Variants in PCDH15 observed in about 807,000 individuals in gnomAD.
PCDH15 encodes the protein protocadherin-15.
A neutral mutation model predicts 178.5 loss-of-function variants in PCDH15; 129 were observed. The ratio of observed to expected loss-of-function variants is 0.72; its 90% CI spans 0.63 to 0.84. The LOEUF (loss-of-function observed/expected upper bound fraction) is 0.84, where lower values mean the gene tolerates loss of function less well. Ranked by LOEUF, PCDH15 falls within the 40% of genes least tolerant of loss-of-function variation. The probability of loss-of-function intolerance (pLI) is 0.00; values close to 1 mark genes in which losing one functional copy is unlikely to be tolerated. For synonymous variants in PCDH15, 800 were observed against 732.0 expected, an observed-to-expected ratio of 1.09 and a Z score of -1.50; for missense variants, 2,230 against 2,099.9, an observed-to-expected ratio of 1.06 and a Z score of -1.21.
chr10:54,950,428 A>AAG (rs1838311228), intron 2 of PCDH15, among the ~76,000 whole-genome samples: 1 of 151,822 alleles, frequency 6.6e-6, no homozygotes, highest in Admixed American at 6.6e-5. Flanking sequence ...TGAGTCTTAC[A>AAG]AGATCTGATG....
At chr10:55,123,652 G>T (rs967600456) in intron 2 of PCDH15, among the ~76,000 whole-genome samples, 1 of 152,070 alleles carries the variant, frequency 6.6e-6, no homozygotes, top group Non-Finnish European at 1.5e-5. Flanking sequence ...ACATGAAGGA[G>T]AGCCAGTCAA....
At chr10:54,613,843 A>G (rs1307321441) in intron 2 of PCDH15, among the ~76,000 whole-genome samples, 1 of 151,786 alleles carries the variant, frequency 6.6e-6, no homozygotes, top group Non-Finnish European at 1.5e-5. Flanking sequence ...AGAAAACAAT[A>G]ATCCAAATTT....
At chr10:54,260,093 G>C (rs558088496) in intron 8 of PCDH15, among the ~76,000 whole-genome samples, 1 of 151,922 alleles carries the variant, frequency 6.6e-6, no homozygotes, top group African/African-American at 2.4e-5. Context: ...ATGTAATGAC[G>C]GTAATGGTAT....
At chr10:55,611,543 A>G (rs1035116130) in intron 2 of PCDH15, among the ~76,000 whole-genome samples, 1 of 152,058 alleles carries the variant, frequency 6.6e-6, no homozygotes, top group Admixed American at 6.6e-5. Flanking sequence ...AACACTTGTA[A>G]AATGTTGATG....
At chr10:54,759,296 A>G (rs1258956953) in intron 1 of PCDH15, among the ~76,000 whole-genome samples, 1 of 152,188 alleles carries the variant, frequency 6.6e-6, no homozygotes, top group Non-Finnish European at 1.5e-5. Context: ...TCAGGTTGCA[A>G]AATGTGAGCA....
chr10:55,363,760 C>T (rs1421625206), intron 2 of PCDH15, among the ~76,000 whole-genome samples: 1 of 152,004 alleles, frequency 6.6e-6, no homozygotes, highest in African/African-American at 2.4e-5. Flanking sequence ...ATCAGCCTAC[C>T]AAGTAGCCAG....
intron 2 of PCDH15, among the ~76,000 whole-genome samples, chr10:54,646,882 A>C (rs1015602447): frequency 7.9e-5 from 12 of 152,102 alleles, no homozygotes; most frequent in Admixed American, 7.2e-4. Flanking sequence ...ACTCCTATAC[A>C]TGATGGGAAT....
intron 18 of PCDH15, among the ~76,000 whole-genome samples, chr10:54,060,144 G>A (rs2093983554): frequency 6.6e-6 from 1 of 152,114 alleles, no homozygotes; most frequent in African/African-American, 2.4e-5. Flanking sequence ...TGTACTAAAT[G>A]TTGATTTGTA....
intron 2 of PCDH15, among the ~76,000 whole-genome samples, chr10:54,637,168 G>T (rs1314581312): frequency 6.7e-6 from 1 of 150,238 alleles, no homozygotes; most frequent in African/African-American, 2.4e-5. Context: ...GCTGAAGAAT[G>T]ATTTAGTTAC....
chr10:54,657,744 T>C (rs2094432837), intron 2 of PCDH15, among the ~76,000 whole-genome samples: 1 of 152,168 alleles, frequency 6.6e-6, no homozygotes, highest in African/African-American at 2.4e-5. Flanking sequence ...AGAAGTGATA[T>C]CTCCTTTAGA....
At chr10:55,425,465 T>C (rs1016556422) in intron 2 of PCDH15, among the ~76,000 whole-genome samples, 3 of 152,102 alleles carry the variant, frequency 2.0e-5, no homozygotes, top group Non-Finnish European at 4.4e-5. Flanking sequence ...CACATATAAA[T>C]AGCTATATTC....
chr10:54,172,668 A>G (rs1419238710), intron 13 of PCDH15, among the ~76,000 whole-genome samples: 1 of 152,220 alleles, frequency 6.6e-6, no homozygotes, highest in Non-Finnish European at 1.5e-5. Context: ...TTCTAGAGCA[A>G]TATCATATTT....
chr10:55,238,309 C>A, intron 1 of PCDH15, among the ~76,000 whole-genome samples: 1 of 151,870 alleles, frequency 6.6e-6, no homozygotes, highest in East Asian at 1.9e-4. Context: ...GCTACCACGC[C>A]CGGCTAATTT....
At chr10:55,558,606 A>G (rs1015216612) in intron 2 of PCDH15, among the ~76,000 whole-genome samples, 1 of 152,178 alleles carries the variant, frequency 6.6e-6, no homozygotes, top group Admixed American at 6.6e-5. Context: ...ATTAGTGTGC[A>G]TTACAAAAGT....
At chr10:55,193,356 A>G (rs577066957) in intron 1 of PCDH15, among the ~76,000 whole-genome samples, 15 of 152,122 alleles carry the variant, frequency 9.9e-5, no homozygotes, top group African/African-American at 3.4e-4. Context: ...GTTGTATCAT[A>G]AACACTGTTT....
At chr10:54,339,033 T>C (rs1000442910) in intron 6 of PCDH15, among the ~76,000 whole-genome samples, 1 of 147,410 alleles carries the variant, frequency 6.8e-6, no homozygotes, top group African/African-American at 2.4e-5. Flanking sequence ...CAAATTCTTA[T>C]CAATTTCAGA....
At chr10:53,837,682 T>C (rs1253345748) in intron 29 of PCDH15, among the ~76,000 whole-genome samples, 1 of 151,940 alleles carries the variant, frequency 6.6e-6, no homozygotes, top group Non-Finnish European at 1.5e-5. Flanking sequence ...AAAAACTAAA[T>C]AACCAATAAC....
rs533247526 is a variant in PCDH15, at chr10:54,394,145, G to A, written c.158-15203C>T. Among the ~76,000 whole-genome samples, 13 of 152,206 alleles carry A rather than the reference G, an allele frequency of 8.5e-5. 1 individual carries two copies. In the East Asian group the frequency reaches 2.3e-3, roughly 27 times the overall value. ...TTTTTTCTTAATTTTAGCCTGTGTA[G>A]AAACTCTTAAGGCTGATGATGAGAT... On this transcript the variant is annotated intron_variant, in intron 3 of 37. Coordinates refer to ENST00000644397, the MANE Select transcript of PCDH15 (RefSeq NM_001384140.1).
At chr10:54,107,136 T>C (rs1477714086) in intron 15 of PCDH15, among the ~76,000 whole-genome samples, 2 of 152,234 alleles carry the variant, frequency 1.3e-5, no homozygotes, top group Admixed American at 1.3e-4. Context: ...ATCAATAGCA[T>C]TGATAGAATT....
Sources: allele counts gnomAD v4.1 joint callset (sites outside exome capture counted in the v4.1 genomes callset), GRCh38; gene constraint gnomAD v4.1.1; transcripts MANE v1.5; gene names NCBI Gene and HGNC (gene_info 2026-07-23, HGNC 2026-07-21).